The following PGM5 variants were observed in gnomAD, a reference collection of about 807,000 sequenced individuals.
PGM5 encodes phosphoglucomutase-like protein 5.
In PGM5, 23 loss-of-function variants were observed where a neutral mutation model predicts 59.2. The observed-to-expected ratio is 0.39, with a 90% CI of 0.28 to 0.55. PGM5 has a LOEUF of 0.55. Among genes scored for constraint, PGM5 ranks in the 20% least tolerant of loss-of-function variants. The probability of loss-of-function intolerance (pLI) is 0.66; values close to 1 mark genes in which losing one functional copy is unlikely to be tolerated. For missense variants in PGM5, 574 were observed against 748.3 expected, an observed-to-expected ratio of 0.77 and a Z score of 2.72; for synonymous variants, 214 against 286.0, an observed-to-expected ratio of 0.75 and a Z score of 2.54.
chr9:68,358,521 C>T (rs558665505), intron 1 of PGM5, among the ~76,000 whole-genome samples: 2 of 152,342 alleles, frequency 1.3e-5, no homozygotes, highest in East Asian at 3.9e-4. Context: ...CAGACCCACA[C>T]TCATAGAACT....
At chr9:68,369,426 G>T (rs1224886639) in intron 1 of PGM5, among the ~76,000 whole-genome samples, 3 of 152,116 alleles carry the variant, frequency 2.0e-5, no homozygotes, top group Non-Finnish European at 4.4e-5. Context: ...TCCAGCTGGG[G>T]TGGTCACCTC....
At chr9:68,376,825 CTTTCTTTCTCT>C (rs1269131264) in intron 1 of PGM5, among the ~76,000 whole-genome samples, 7 of 102,116 alleles carry the variant, frequency 6.9e-5, no homozygotes, top group Admixed American at 6.5e-4. Context: ...TTCTTTCTTT[CTTTCTTTCTCT>C]TTCTTTCTTT....
intron 10 of PGM5, among the ~76,000 whole-genome samples, chr9:68,524,747 A>G (rs1315345190): frequency 6.6e-6 from 1 of 152,140 alleles, no homozygotes; most frequent in East Asian, 1.9e-4. Context: ...CTCCCCATTC[A>G]GTGCATTTTG....
rs552223012 is a variant in PGM5 at position 68,467,570 on chromosome 9, A to G, written c.1159+2362A>G. ...AAGTAATTTCTTAATAATTTCCTCT[A>G]TCCTCATTTTCCCCCTCCCCATTAA... On this transcript the variant is annotated intron_variant, in intron 7 of 10. Coordinates refer to ENST00000396396, the MANE Select transcript of PGM5 (RefSeq NM_021965.4). Among the ~76,000 whole-genome samples, 5 of 152,286 alleles carry G rather than the reference A, an allele frequency of 3.3e-5. No individual in the cohort carries two copies. The South Asian group carries it at 1.0e-3, about 32-fold the overall frequency.
intron 6 of PGM5, among the ~76,000 whole-genome samples, chr9:68,435,477 A>C (rs76006044): frequency 0.035 from 5,401 of 152,168 alleles, 106 homozygotes; most frequent in African/African-American, 0.046. Flanking sequence ...GTCTCTGTAG[A>C]TTTCCCTTTT....
chr9:68,523,913 G>A (rs1587234268), intron 10 of PGM5, among the ~76,000 whole-genome samples: 1 of 152,008 alleles, frequency 6.6e-6, no homozygotes, highest in African/African-American at 2.4e-5. Flanking sequence ...TTTACTTTGA[G>A]TCTTGTGACA....
chr9:68,457,543 T>G (rs1173891674), intron 6 of PGM5, among the ~76,000 whole-genome samples: 2 of 152,260 alleles, frequency 1.3e-5, no homozygotes, highest in Non-Finnish European at 2.9e-5. Flanking sequence ...TATATTCATT[T>G]AATGTCCAGT....
intron 6 of PGM5, among the ~76,000 whole-genome samples, chr9:68,461,327 G>T (rs1554685371): frequency 6.6e-6 from 1 of 152,138 alleles, no homozygotes. Flanking sequence ...AGTTTCATTG[G>T]CTAGAACTCA....
At chr9:68,403,483 C>T (rs551981336) in intron 6 of PGM5, among the ~76,000 whole-genome samples, 33 of 152,266 alleles carry the variant, frequency 2.2e-4, no homozygotes, top group South Asian at 2.1e-3. Flanking sequence ...TCCACAAAAC[C>T]GGTCCCTGGT....
intron 10 of PGM5, among the ~76,000 whole-genome samples, chr9:68,500,763 C>G (rs1285924992): frequency 6.6e-6 from 1 of 152,186 alleles, no homozygotes; most frequent in Non-Finnish European, 1.5e-5. Context: ...CTGGCCTCAC[C>G]AACTCTGACT....
At chr9:68,448,295 C>G (rs537208382) in intron 6 of PGM5, among the ~76,000 whole-genome samples, 1 of 152,154 alleles carries the variant, frequency 6.6e-6, no homozygotes, top group African/African-American at 2.4e-5. Flanking sequence ...GCAGTAGCAA[C>G]GCTCTTCCCA....
At chr9:68,428,785 T>G (rs1388391141) in intron 6 of PGM5, 3 of 152,232 alleles carry the variant, frequency 2.0e-5, no homozygotes, top group South Asian at 2.1e-4. Flanking sequence ...TCTTTCACAT[T>G]CTGCAATTTT....
intron 6 of PGM5, among the ~76,000 whole-genome samples, chr9:68,432,446 C>T (rs1445809962): frequency 1.3e-5 from 2 of 151,918 alleles, no homozygotes; most frequent in East Asian, 1.9e-4. Flanking sequence ...AGTGATCGGC[C>T]CACCTCAGCC....
chr9:68,528,449 G>C (rs1417514671), intron 10 of PGM5, among the ~76,000 whole-genome samples: 1 of 152,104 alleles, frequency 6.6e-6, no homozygotes, highest in Admixed American at 6.5e-5. Context: ...ATGTTGTTCA[G>C]GCTGGTATTA....
At chr9:68,494,419 G>A (rs1824449666) in intron 9 of PGM5, among the ~76,000 whole-genome samples, 1 of 152,118 alleles carries the variant, frequency 6.6e-6, no homozygotes, top group Admixed American at 6.5e-5. Flanking sequence ...CCTTATAAGG[G>A]ACATGTAGCA....
At chr9:68,494,000 TAAGGAAA>T (rs1235420252) in intron 9 of PGM5, among the ~76,000 whole-genome samples, 1 of 152,106 alleles carries the variant, frequency 6.6e-6, no homozygotes, top group East Asian at 1.9e-4. Flanking sequence ...CACTGAAAAG[TAAGGAAA>T]ACACTAAGCT....
chr9:68,469,829 G>A (rs1189332721), intron 7 of PGM5, among the ~76,000 whole-genome samples: 2 of 152,158 alleles, frequency 1.3e-5, no homozygotes, highest in Non-Finnish European at 2.9e-5. Context: ...ATAGGTGGGT[G>A]GAAGGAAAGT....
At position 68,391,684 on chromosome 9, in the gene PGM5, G is replaced by C. The variant is rs551020914; in HGVS notation, c.848G>C (p.Gly283Ala). The C allele has an allele frequency of 1.2e-6, 2 of 1,613,174 alleles. No homozygotes were observed. Among genetic ancestry groups the C allele is most frequent in the South Asian group, 2.2e-5 (2 of 91,064 alleles). Residue 283 changes from glycine (G) to alanine (A), a missense_variant, in exon 5 of 11, where the codon GGA becomes GCA. By Grantham distance (60) the Gly-to-Ala change is moderately conservative (BLOSUM62 0). This residue lies in a region of PGM5 where 34 missense variants were observed against 48.1 expected (regional missense o/e 0.71). Coordinates refer to ENST00000396396, the MANE Select transcript of PGM5 (RefSeq NM_021965.4). ...ACGACTCTTCTGGAAGCAATGAAAG[G>C]AGGAGAATATGGATTTGGAGCTGCA... ...YATTLLEAMKGGEYGFGAAFD... is the reference protein window; with the variant it reads ...YATTLLEAMKAGEYGFGAAFD...
intron 6 of PGM5, among the ~76,000 whole-genome samples, chr9:68,400,917 T>C (rs1347907366): frequency 6.6e-6 from 1 of 152,216 alleles, no homozygotes; most frequent in African/African-American, 2.4e-5. Context: ...CCTGGCAAAT[T>C]GAATGAGGAC....
Sources: allele counts gnomAD v4.1 joint callset (sites outside exome capture counted in the v4.1 genomes callset), GRCh38; gene constraint gnomAD v4.1.1; regional missense constraint gnomAD v4.1.1; transcripts MANE v1.5; gene names NCBI Gene and HGNC (gene_info 2026-07-23, HGNC 2026-07-21).